Variants in TMEM178A observed in about 807,000 individuals in gnomAD.
TMEM178A encodes transmembrane protein 178.
In TMEM178A, 12 loss-of-function variants were observed where a neutral mutation model predicts 29.1. That is an observed-to-expected ratio of 0.41 (90% CI 0.26 to 0.67). TMEM178A has a LOEUF of 0.67. TMEM178A is among the 30% of genes least tolerant of loss of function. The probability of loss-of-function intolerance (pLI) is 0.29; values close to 1 mark genes in which losing one functional copy is unlikely to be tolerated. For missense variants in TMEM178A, 366 were observed against 419.1 expected, an observed-to-expected ratio of 0.87 and a Z score of 1.11; for synonymous variants, 210 against 187.2, an observed-to-expected ratio of 1.12 and a Z score of -0.99.
intron 1 of TMEM178A, among the ~76,000 whole-genome samples, chr2:39,691,050 C>G (rs1042907828): frequency 2.6e-5 from 4 of 151,966 alleles, no homozygotes; most frequent in Admixed American, 1.3e-4. Flanking sequence ...AACAAACAAA[C>G]AAAAGAATGA....
At chr2:39,725,341 G>C in the TMEM178A span, among the ~76,000 whole-genome samples, 1 of 152,148 alleles carries the variant, frequency 6.6e-6, no homozygotes, top group Admixed American at 6.5e-5. Context: ...GTGGGTCTGC[G>C]ATACGCCTAC....
chr2:39,688,328 G>A (rs1468732799), intron 1 of TMEM178A, among the ~76,000 whole-genome samples: 1 of 152,192 alleles, frequency 6.6e-6, no homozygotes, highest in Non-Finnish European at 1.5e-5. Context: ...CTGCAGACTT[G>A]GGTCGTGATT....
At chr2:39,713,209 C>T (rs1391739935) in intron 3 of TMEM178A, among the ~76,000 whole-genome samples, 1 of 152,218 alleles carries the variant, frequency 6.6e-6, no homozygotes, top group Non-Finnish European at 1.5e-5. Flanking sequence ...TGAAACTAAA[C>T]TATCTCTAAT....
chr2:39,734,351 T>G, the TMEM178A span, among the ~76,000 whole-genome samples: 1 of 152,244 alleles, frequency 6.6e-6, no homozygotes, highest in Admixed American at 6.5e-5. Context: ...CACTAGGTTT[T>G]CTTTCTATTT....
the TMEM178A span, among the ~76,000 whole-genome samples, chr2:39,728,331 G>A: frequency 6.6e-6 from 1 of 152,212 alleles, no homozygotes; most frequent in Non-Finnish European, 1.5e-5. Context: ...TACACAGGAA[G>A]TCGGTGTCTC....
chr2:39,690,902 C>A (rs1434181091), intron 1 of TMEM178A, among the ~76,000 whole-genome samples: 1 of 152,014 alleles, frequency 6.6e-6, no homozygotes, highest in Non-Finnish European at 1.5e-5. Context: ...TACAAAGAAC[C>A]AAACAAATTC....
chr2:39,665,636 C>T, upstream of TMEM178A: 1 of 224,858 alleles, frequency 4.4e-6, no homozygotes, highest in Non-Finnish European at 8.2e-6. Flanking sequence ...GACTGTGGAT[C>T]GGAGGTAGGG....
At chr2:39,722,093 G>A (rs1022478697), downstream of TMEM178A, among the ~76,000 whole-genome samples, 3 of 151,774 alleles carry the variant, frequency 2.0e-5, no homozygotes, top group Non-Finnish European at 4.4e-5. Context: ...AGTTAGGAAG[G>A]AGGAAGTTGC....
intron 2 of TMEM178A, among the ~76,000 whole-genome samples, chr2:39,705,124 G>A (rs757501887): frequency 6.6e-6 from 1 of 152,208 alleles, no homozygotes; most frequent in South Asian, 2.1e-4. Flanking sequence ...GGGGAGAAAA[G>A]ATCATCATAG....
chr2:39,721,772 T>G (rs1672710499), downstream of TMEM178A, among the ~76,000 whole-genome samples: 1 of 151,958 alleles, frequency 6.6e-6, no homozygotes, highest in Non-Finnish European at 1.5e-5. Context: ...GGCTGGAGGA[T>G]CTCTTGAGTC....
intron 3 of TMEM178A, among the ~76,000 whole-genome samples, chr2:39,715,581 G>T (rs1672500866): frequency 6.6e-6 from 1 of 152,206 alleles, no homozygotes; most frequent in Non-Finnish European, 1.5e-5. Context: ...GAAGTCAGAA[G>T]AAAAGATTTT....
At chr2:39,711,742 T>C (rs1397808381) in intron 3 of TMEM178A, among the ~76,000 whole-genome samples, 1 of 152,234 alleles carries the variant, frequency 6.6e-6, no homozygotes, top group African/African-American at 2.4e-5. Context: ...CATGATACTT[T>C]TTCTATAACC....
At chr2:39,669,612 C>A (rs993449860) in intron 1 of TMEM178A, among the ~76,000 whole-genome samples, 2 of 152,186 alleles carry the variant, frequency 1.3e-5, no homozygotes, top group African/African-American at 2.4e-5. Flanking sequence ...TTAGCCAGAA[C>A]CTTCAGAAAG....
Position 39,666,224 on chromosome 2 carries a change from C to T in TMEM178A, c.250C>T (p.Arg84Cys), listed in dbSNP as rs1239254085. ...CCGGCTGCTCCCGGGCGGCCCGGGG[C>T]GCGCCGACCCCGAGTCCTGGCGCTC... The part of the protein sequence containing the change: ...GRRLLPGGPG[R>C]ADPESWRSLL... Residue 84 changes from arginine (R) to cysteine (C), a missense_variant, in exon 1 of 4, where the codon CGC (arginine) becomes TGC (cysteine). Arg to Cys is a radical substitution (Grantham distance 180). Coordinates refer to ENST00000281961, the MANE Select transcript of TMEM178A (RefSeq NM_152390.3). 3 of 1,345,318 alleles carry T rather than the reference C, an allele frequency of 2.2e-6. No homozygotes were observed. Among genetic ancestry groups the T allele is most frequent in the Non-Finnish European group, 2.8e-6 (3 of 1,057,088 alleles). The allele number at this position is 1,345,318 out of a possible 1,614,324, so 83.3% of individuals were successfully genotyped here.
chr2:39,670,795 G>A (rs907310857), intron 1 of TMEM178A, among the ~76,000 whole-genome samples: 1 of 152,168 alleles, frequency 6.6e-6, no homozygotes, highest in African/African-American at 2.4e-5. Context: ...TGGAGTCATA[G>A]AAATGACATT....
chr2:39,708,312 C>A (rs1418784565), intron 3 of TMEM178A, among the ~76,000 whole-genome samples: 1 of 149,830 alleles, frequency 6.7e-6, no homozygotes, highest in African/African-American at 2.5e-5. Flanking sequence ...GGGCAGTGGC[C>A]AAAGCGTCAG....
chr2:39,707,120 A>T lies in TMEM178A; in HGVS notation c.586A>T (p.Thr196Ser). ...AVLLCGCIVA[T>S]VSFFWEESLT... Reference sequence around the variant, plus strand: ...CCTTCTCTGCGGCTGCATTGTGGCCACAGTCAGTTTCTTCTGGGAGGAGAG... The same window carrying T: ...CCTTCTCTGCGGCTGCATTGTGGCCTCAGTCAGTTTCTTCTGGGAGGAGAG... The change falls in exon 3 of 4, where the codon ACA (threonine) becomes TCA (serine). Residue 196 changes from threonine (T) to serine (S), a missense_variant. Transcript: ENST00000281961. 6.2e-7 allele frequency: 1 copy of T among 1,614,190 alleles called. No individual in the cohort carries two copies. Among genetic ancestry groups the T allele is most frequent in the South Asian group, 1.1e-5 (1 of 91,072 alleles).
Position 39,715,265 on chromosome 2 carries a change from G to GCAT in TMEM178A, c.653-1745_653-1744insCAT. On this transcript the variant is annotated intron_variant, in intron 3 of 3. Coordinates refer to ENST00000281961, the MANE Select transcript of TMEM178A (RefSeq NM_152390.3). The stretch of plus-strand genomic sequence containing the variant: ...AATGCAGAATAAAGTTGTTTTTCCT[G>GCAT]TGAAGAGGTCATTGTTCTATTATTC... Among the ~76,000 whole-genome samples the GCAT allele has an allele frequency of 2.0e-5, 3 of 152,332 alleles. No homozygotes were observed. The South Asian group carries it at 6.2e-4, about 32-fold the overall frequency.
chr2:39,670,718 AT>A (rs1670376875), intron 1 of TMEM178A, among the ~76,000 whole-genome samples: 1 of 152,242 alleles, frequency 6.6e-6, no homozygotes. Context: ...ACTTTAATAA[AT>A]AAACATTGAT....
Sources: allele counts gnomAD v4.1 joint callset (sites outside exome capture counted in the v4.1 genomes callset), GRCh38; gene constraint gnomAD v4.1.1; transcripts MANE v1.5; gene names NCBI Gene and HGNC (gene_info 2026-07-23, HGNC 2026-07-21).